EXOG: variants seen among roughly 807,000 people sequenced by gnomAD.
EXOG encodes the protein exo/endonuclease G, also known as nuclease EXOG, mitochondrial.
Under a neutral mutation model 25.8 loss-of-function variants are expected in EXOG, and 27 were observed. That is an observed-to-expected ratio of 1.05 (90% CI 0.77 to 1.45). The LOEUF is 1.45. Ranked by LOEUF, EXOG falls within the 40% of genes most tolerant of loss-of-function variation. The probability of loss-of-function intolerance (pLI) is 0.00; values close to 1 mark genes in which losing one functional copy is unlikely to be tolerated. For synonymous variants in EXOG, 133 were observed against 167.0 expected, an observed-to-expected ratio of 0.80 and a Z score of 1.57; for missense variants, 458 against 450.5, an observed-to-expected ratio of 1.02 and a Z score of -0.15.
At position 38,525,546 on chromosome 3, in the gene EXOG, T is replaced by C. The variant is rs779771115; in HGVS notation, c.*1184T>C. On this transcript the variant is annotated 3_prime_UTR_variant, in exon 6 of 6. Transcript: ENST00000287675. ...ACTTTGTGGGGTTTATTAGAGCCCATGCTTGCCTCCAGAGATACAGTTCTT... is the reference window on the plus strand; with the variant it reads ...ACTTTGTGGGGTTTATTAGAGCCCACGCTTGCCTCCAGAGATACAGTTCTT... The C allele has an allele frequency of 8.1e-6, 8 of 985,188 alleles. No homozygotes were observed. Among genetic ancestry groups the C allele is most frequent in the Non-Finnish European group, 9.6e-6 (8 of 829,708 alleles). The allele number at this position is 985,188 out of a possible 1,614,324, so 61.0% of individuals were successfully genotyped here.
At position 38,496,438 on chromosome 3, in the gene EXOG, C is replaced by T. The variant is rs1450846128; in HGVS notation, c.71C>T (p.Ala24Val). The stretch of plus-strand genomic sequence containing the variant: ...TTTCTGAGCGGCTTCGTGGCTGGGG[C>T]TGTAGTGGGCGCTGCGGGAGCTGGG... ...RRFLSGFVAG[A>V]VVGAAGAGLA... The change falls in exon 1 of 6, where the codon GCT (alanine) becomes GTT (valine). Residue 24 changes from alanine (A) to valine (V), a missense_variant. Physicochemically the swap from Ala to Val is moderately conservative, Grantham distance 64. This residue lies in a region of EXOG where 275 missense variants were observed against 230.5 expected (regional missense o/e 1.19). Coordinates refer to ENST00000287675, the MANE Select transcript of EXOG (RefSeq NM_005107.4). The T allele has an allele frequency of 6.2e-7, 1 of 1,613,790 alleles. No homozygotes were observed. The highest frequency in any genetic ancestry group is 1.3e-5 in the African/African-American group (1 of 75,058).
intron 5 of EXOG, among the ~76,000 whole-genome samples, chr3:38,520,785 G>A (rs994884942): frequency 2.0e-5 from 3 of 152,140 alleles, no homozygotes; most frequent in Non-Finnish European, 4.4e-5. Context: ...ATACAAAATA[G>A]CAATCCACCC....
At chr3:38,500,850 G>A (rs542179338) in intron 2 of EXOG, among the ~76,000 whole-genome samples, 1 of 152,234 alleles carries the variant, frequency 6.6e-6, no homozygotes, top group African/African-American at 2.4e-5. Flanking sequence ...GTCATGGTTC[G>A]AGAGGCAGTA....
chr3:38,514,167 CTT>C (rs1393236635), intron 5 of EXOG, among the ~76,000 whole-genome samples: 2 of 152,222 alleles, frequency 1.3e-5, no homozygotes, highest in African/African-American at 4.8e-5. Flanking sequence ...AGATGGGACA[CTT>C]AAACAGTGTT....
chr3:38,507,098 C>T (rs909928726), intron 5 of EXOG, 130 bp downstream of exon 5: 2 of 498,532 alleles, frequency 4.0e-6, no homozygotes. Context: ...TTCACTTATT[C>T]AACAATATTT....
chr3:38,507,651 G>C (rs2060242805), intron 5 of EXOG, among the ~76,000 whole-genome samples: 1 of 152,164 alleles, frequency 6.6e-6, no homozygotes, highest in African/African-American at 2.4e-5. Flanking sequence ...GTTTTATAAA[G>C]AGTATTTTGG....
intron 5 of EXOG, among the ~76,000 whole-genome samples, chr3:38,520,367 T>G (rs973181321): frequency 2.0e-5 from 3 of 152,222 alleles, no homozygotes; most frequent in African/African-American, 7.2e-5. Flanking sequence ...CAGTCTTGAG[T>G]AGAGTTCAGT....
intron 5 of EXOG, among the ~76,000 whole-genome samples, chr3:38,518,564 C>T (rs985434257): frequency 6.6e-6 from 1 of 152,190 alleles, no homozygotes; most frequent in African/African-American, 2.4e-5. Flanking sequence ...TTTCTCAGAT[C>T]TAGCCATTTA....
In EXOG at chr3:38,506,987, C is replaced by A; in HGVS notation, c.645+19C>A. ...TTACCAGGTAAGGATGTTTAATAGT[C>A]AGGTTTATGTTATCTGTATGAGATT... On this transcript the variant is annotated intron_variant, in intron 5 of 5. Transcript: ENST00000287675. 9.8e-7 allele frequency: 1 copy of A among 1,020,560 alleles called. No individual in the cohort carries two copies. Among genetic ancestry groups the A allele is most frequent in the Non-Finnish European group, 1.6e-6 (1 of 643,428 alleles). 63.2% of individuals were successfully genotyped at this position (1,020,560 alleles called of 1,614,324 possible). A position where few individuals can be genotyped will look rare whatever the true frequency, so the allele number is the denominator to read the frequency against.
chr3:38,508,719 C>G (rs1024822838), intron 5 of EXOG, among the ~76,000 whole-genome samples: 7 of 149,576 alleles, frequency 4.7e-5, no homozygotes, highest in Non-Finnish European at 8.9e-5. Flanking sequence ...CCACCCCCCC[C>G]CCAAAAAAAA....
chr3:38,498,267 A>AAT (rs2059951100), intron 2 of EXOG, among the ~76,000 whole-genome samples: 1 of 152,298 alleles, frequency 6.6e-6, no homozygotes, highest in South Asian at 2.1e-4. Flanking sequence ...AGGAACAGTA[A>AAT]AAAGTTTGAT....
chr3:38,520,062 A>G (rs1575671583), intron 5 of EXOG, among the ~76,000 whole-genome samples: 1 of 151,572 alleles, frequency 6.6e-6, no homozygotes, highest in East Asian at 1.9e-4. Context: ...ATATCTATCT[A>G]ATTCTAGCAG....
intron 5 of EXOG, among the ~76,000 whole-genome samples, chr3:38,518,497 C>T (rs1260650144): frequency 6.6e-6 from 1 of 152,208 alleles, no homozygotes; most frequent in African/African-American, 2.4e-5. Context: ...TTCCCACTTT[C>T]AAGGCAATGT....
rs11423791 is a variant in EXOG, at chr3:38,497,075, C to CCA, written c.163+545_163+546insCA. The CCA allele has an allele frequency of 1.0e-5, 9 of 903,686 alleles. No individual in the cohort carries two copies. The African/African-American group carries it at 1.7e-4, about 17-fold the overall frequency. The allele number at this position is 903,686 out of a possible 1,614,324, so 56.0% of individuals were successfully genotyped here. On this transcript the variant is annotated intron_variant, in intron 1 of 5. Coordinates refer to ENST00000287675, the MANE Select transcript of EXOG (RefSeq NM_005107.4). ...GTTGCAATGGGTACCTTATATTTGA[C>CCA]AAAAAAAAAAAAAAAATTAACACGA...
chr3:38,515,194 GA>G, intron 5 of EXOG, among the ~76,000 whole-genome samples: 1 of 152,248 alleles, frequency 6.6e-6, no homozygotes, highest in East Asian at 1.9e-4. Context: ...CTAAAACTCT[GA>G]AGATGCGCTC....
chr3:38,502,750 GA>G (rs1157277100), intron 3 of EXOG, among the ~76,000 whole-genome samples: 1 of 152,100 alleles, frequency 6.6e-6, no homozygotes, highest in Admixed American at 6.5e-5. Context: ...ATTCAATCAT[GA>G]ATCACACATT....
In EXOG at chr3:38,506,914, G is replaced by A. The variant is rs374475773; in HGVS notation, c.591G>A (p.Gly197=). 60 of 1,606,250 alleles carry A rather than the reference G, an allele frequency of 3.7e-5. No individual in the cohort carries two copies. The African/African-American group carries it at 7.2e-4, about 19-fold the overall frequency. Residue 197 remains glycine (G), a synonymous_variant, in exon 5 of 6, where the codon GGG becomes GGA. Transcript: ENST00000287675. The stretch of plus-strand genomic sequence containing the variant: ...TTGAAGATGTTTGGGTGGTATCTGG[G>A]CCTTTGACCTTACCTCAGACTAGAG... ...ERFEDVWVVS[G]PLTLPQTRGD... is the part of the protein sequence containing the mutation.
In EXOG at chr3:38,496,609, C is replaced by CT. The variant is rs2125740727; in HGVS notation, c.163+81dup. The stretch of plus-strand genomic sequence containing the variant: ...CCTACCTGGAGTGTGAATGGCAGTC[C>CT]TTGACGGACAGCCTTCACCGTTTGC... On this transcript the variant is annotated intron_variant, in intron 1 of 5. Transcript: ENST00000287675. 1.2e-5 allele frequency: 18 copies of CT among 1,537,448 alleles called. No individual in the cohort carries two copies. The South Asian group carries it at 1.9e-4, about 16-fold the overall frequency.
At position 38,500,962 on chromosome 3, in the gene EXOG, C is replaced by G. The variant is rs75078909; in HGVS notation, c.314-393C>G. Among the ~76,000 whole-genome samples the G allele has an allele frequency of 6.7e-3, 1,018 of 152,234 alleles. 4 individuals are homozygous for G. The highest frequency in any genetic ancestry group is 0.02 in the Middle Eastern group (6 of 294). ...ATTATTTCAGTACACATAAACTTGT[C>G]AAATACAATCGTACAAAATACAATA... is the stretch of plus-strand genomic sequence containing the variant. On this transcript the variant is annotated intron_variant, in intron 2 of 5. Coordinates refer to ENST00000287675, the MANE Select transcript of EXOG (RefSeq NM_005107.4).
Sources: allele counts gnomAD v4.1 joint callset (sites outside exome capture counted in the v4.1 genomes callset), GRCh38; gene constraint gnomAD v4.1.1; regional missense constraint gnomAD v4.1.1; transcripts MANE v1.5; gene names NCBI Gene and HGNC (gene_info 2026-07-23, HGNC 2026-07-21).